PTK2: variants seen among roughly 807,000 people sequenced by gnomAD.
The protein encoded by PTK2 is focal adhesion kinase 1.
Under a neutral mutation model 150.1 loss-of-function variants are expected in PTK2, and 45 were observed. The ratio of observed to expected loss-of-function variants is 0.30; its 90% CI spans 0.24 to 0.38. The LOEUF is 0.38. Among genes scored for constraint, PTK2 ranks in the 10% least tolerant of loss-of-function variants. The pLI, the probability that PTK2 is intolerant of heterozygous loss-of-function variation, is 1.00. For missense variants in PTK2, 919 were observed against 1,307.3 expected (o/e 0.70, Z 4.58); for synonymous variants, 432 against 449.2 (o/e 0.96, Z 0.48).
At chr8:140,956,663 G>C (rs1396518369) in intron 1 of PTK2, among the ~76,000 whole-genome samples, 1 of 152,212 alleles carries the variant, frequency 6.6e-6, no homozygotes, top group Non-Finnish European at 1.5e-5. Context: ...AGACTTTCCA[G>C]TGGGACAAGA....
intron 1 of PTK2, among the ~76,000 whole-genome samples, chr8:140,968,176 G>A (rs911035562): frequency 1.3e-5 from 2 of 152,064 alleles, no homozygotes; most frequent in Non-Finnish European, 2.9e-5. Context: ...CCCTAAAAGA[G>A]GCTGTAAAAT....
At chr8:140,898,251 G>A (rs1390121200) in intron 2 of PTK2, among the ~76,000 whole-genome samples, 1 of 152,170 alleles carries the variant, frequency 6.6e-6, no homozygotes, top group African/African-American at 2.4e-5. Flanking sequence ...AAGGTGTCTA[G>A]ATGCTTACAC....
intron 26 of PTK2, among the ~76,000 whole-genome samples, chr8:140,694,928 C>G (rs928855253): frequency 6.6e-6 from 1 of 152,218 alleles, no homozygotes; most frequent in Admixed American, 6.5e-5. Context: ...GACAGAGGGT[C>G]AGGGTGGCCC....
chr8:140,665,005 A>C lies in PTK2; in HGVS notation c.2866-8T>G. On this transcript the variant is annotated splice_region_variant and splice_polypyrimidine_tract_variant and intron_variant, in intron 30 of 31. Transcript: ENST00000522684. ...CAGGGCCAAGCCGACTTCCTAACAGACAAGAATCACAACCAATATTAGAAC... is the reference window on the plus strand; with the variant it reads ...CAGGGCCAAGCCGACTTCCTAACAGCCAAGAATCACAACCAATATTAGAAC... 1.2e-6 allele frequency: 2 copies of C among 1,611,074 alleles called. No homozygotes were observed. The highest frequency in any genetic ancestry group is 8.5e-7 in the Non-Finnish European group (1 of 1,177,694).
At chr8:140,951,141 T>C (rs910118269) in intron 1 of PTK2, among the ~76,000 whole-genome samples, 2 of 152,118 alleles carry the variant, frequency 1.3e-5, no homozygotes, top group African/African-American at 2.4e-5. Flanking sequence ...CCATGCCACA[T>C]TAACCCTGAA....
At position 140,834,421 on chromosome 8, in the gene PTK2, G is replaced by A. The variant is rs191810452; in HGVS notation, c.594-3895C>T. Among the ~76,000 whole-genome samples, 9 of 152,276 alleles carry A rather than the reference G, an allele frequency of 5.9e-5. No individual in the cohort carries two copies. In the East Asian group the frequency reaches 1.5e-3, roughly 26 times the overall value. ...ACAGCTGTATGTTAAGAAGCCTTTC[G>A]TTGGGACTGCTTGTATATACATAGC... On this transcript the variant is annotated intron_variant, in intron 7 of 31. Coordinates refer to ENST00000522684, the Ensembl canonical transcript of PTK2.
rs939101385 is a variant in PTK2, at chr8:140,999,208, C to T, written c.-122+1917G>A. Among the ~76,000 whole-genome samples, 4 of 152,214 alleles carry T rather than the reference C, an allele frequency of 2.6e-5. No individual in the cohort carries two copies. The South Asian group carries it at 6.2e-4, about 24-fold the overall frequency. Reference sequence around the variant, plus strand: ...TTAACCAATGACTTGCTTCTTGATGCATCACCACTGAATGATGTATGGGTC... The same window carrying T: ...TTAACCAATGACTTGCTTCTTGATGTATCACCACTGAATGATGTATGGGTC... On this transcript the variant is annotated intron_variant, in intron 1 of 31. Coordinates refer to ENST00000522684, the Ensembl canonical transcript of PTK2.
intron 1 of PTK2, among the ~76,000 whole-genome samples, chr8:141,000,126 C>CACACACACACACACACACACACACACA (rs1555522723): frequency 2.0e-4 from 28 of 142,720 alleles, no homozygotes; most frequent in African/African-American, 2.3e-4. Flanking sequence ...CACACACACA[C>CACACACACACACACACACACACACACA]CCCTTCTTCT....
Position 140,976,330 on chromosome 8 carries a change from AATT to A in PTK2, c.-122+24792_-122+24794del, listed in dbSNP as rs1452918325. On this transcript the variant is annotated intron_variant, in intron 1 of 31. Transcript: ENST00000522684. ...GAGATTCAGGAGACAGATAAAATTT[AATT>A]TCTGAGCCACTATTTAACTGATAAT... Among the ~76,000 whole-genome samples, 7 of 152,222 alleles carry A rather than the reference AATT, an allele frequency of 4.6e-5. No individual in the cohort carries two copies. The South Asian group carries it at 6.2e-4, about 14-fold the overall frequency.
intron 24 of PTK2, 148 bp from the exon 28 acceptor site, chr8:140,702,855 C>G: frequency 2.2e-6 from 2 of 927,720 alleles, no homozygotes; most frequent in Non-Finnish European, 3.1e-6. Context: ...ATCCCTTGAA[C>G]ATGTGAATAT....
At chr8:140,684,797 GTACCGCCCAATGGTCA>G (rs1330571481) in intron 27 of PTK2, among the ~76,000 whole-genome samples, 2 of 151,982 alleles carry the variant, frequency 1.3e-5, no homozygotes, top group Non-Finnish European at 2.9e-5. Context: ...AAGTATGGTC[GTACCGCCCAATGGTCA>G]TACCGCCCAA....
At chr8:140,820,088 T>G (rs955074602) in intron 8 of PTK2, among the ~76,000 whole-genome samples, 800 of 54,794 alleles carry the variant, frequency 0.015, 3 homozygotes, top group Middle Eastern at 0.025. Flanking sequence ...TTTTTTTTTT[T>G]TTTTTTTTTT....
exon 32 of PTK2, chr8:140,659,397 C>T (rs2076154238): frequency 3.5e-6 from 5 of 1,410,258 alleles, no homozygotes; most frequent in Admixed American, 2.0e-5. Context: ...AGGGTTAATT[C>T]CTCGCTGCTG....
At chr8:140,700,835 T>C (rs1440450092) in intron 26 of PTK2, 56 bp downstream of exon 29, 44 of 1,592,066 alleles carry the variant, frequency 2.8e-5, no homozygotes, top group African/African-American at 5.4e-5. Flanking sequence ...ATTTGCAATA[T>C]AGTAGACTCT....
At chr8:140,706,981 C>A (rs2100034171) in intron 23 of PTK2, among the ~76,000 whole-genome samples, 1 of 152,122 alleles carries the variant, frequency 6.6e-6, no homozygotes, top group Non-Finnish European at 1.5e-5. Context: ...ACTGGATAAA[C>A]AAAATGCTGT....
intron 12 of PTK2, 61 bp from the exon 13 acceptor site, chr8:140,793,445 C>A (rs896847066): frequency 6.4e-7 from 1 of 1,572,708 alleles, no homozygotes; most frequent in Non-Finnish European, 8.6e-7. Flanking sequence ...AAAGATGGTG[C>A]CTAGAATCAG....
At chr8:140,830,084 TACACACAC>T (rs67413157) in intron 8 of PTK2, among the ~76,000 whole-genome samples, 149 of 149,324 alleles carry the variant, frequency 1.0e-3, no homozygotes, top group African/African-American at 2.6e-3. Flanking sequence ...CGCACACACA[TACACACAC>T]ACACACACAC....
chr8:140,963,398 A>C (rs2100184090), intron 1 of PTK2, among the ~76,000 whole-genome samples: 2 of 152,276 alleles, frequency 1.3e-5, no homozygotes, highest in Admixed American at 6.5e-5. Flanking sequence ...GTCTGACCCC[A>C]AAAATCCTGC....
chr8:140,735,333 T>A (rs990488105), exon 22 of PTK2: 7 of 1,613,990 alleles, frequency 4.3e-6, no homozygotes, highest in Non-Finnish European at 5.9e-6. Context: ...CTGTAGAGGG[T>A]AGGAGGACAA....
Sources: gnomAD v4.1 joint callset for allele counts (sites outside exome capture counted in the v4.1 genomes callset) on GRCh38, gnomAD v4.1.1 for gene constraint, MANE v1.5 for transcripts, NCBI Gene and HGNC (gene_info 2026-07-23, HGNC 2026-07-21) for gene names.